Variants in CIMAP1D observed in about 807,000 individuals in gnomAD.
The protein encoded by CIMAP1D is protein CIMAP1D.
chr19:471,999 G>T, the CIMAP1D span, among the ~76,000 whole-genome samples: 1 of 152,200 alleles, frequency 6.6e-6, no homozygotes, highest in Non-Finnish European at 1.5e-5. Context: ...GCCTGCCTCA[G>T]CCTCCTTAAG....
chr19:472,342 G>T, the CIMAP1D span: 3 of 1,100,092 alleles, frequency 2.7e-6, no homozygotes, highest in South Asian at 1.7e-5. Flanking sequence ...GTGCTCCTGG[G>T]GGGAGATTGG....
At chr19:480,536 T>A in the CIMAP1D span, among the ~76,000 whole-genome samples, 6 of 118,314 alleles carry the variant, frequency 5.1e-5, no homozygotes, top group African/African-American at 2.5e-4. Context: ...TGGGGAAGGA[T>A]GATGGGGAAG....
At chr19:477,641 G>T in the CIMAP1D span, among the ~76,000 whole-genome samples, 1 of 152,006 alleles carries the variant, frequency 6.6e-6, no homozygotes, top group African/African-American at 2.4e-5. Flanking sequence ...AAAAAAGCTG[G>T]TCTTTATTTT....
chr19:484,711 C>A, the CIMAP1D span, among the ~76,000 whole-genome samples: 1 of 152,126 alleles, frequency 6.6e-6, no homozygotes, highest in South Asian at 2.1e-4. Flanking sequence ...GGCGGAGGAG[C>A]GAGGAGGAGG....
At chr19:480,643 TAAGGATGATGGAG>T in the CIMAP1D span, among the ~76,000 whole-genome samples, 13 of 28,864 alleles carry the variant, frequency 4.5e-4, no homozygotes, top group Non-Finnish European at 5.1e-4. Context: ...AGGATGATGG[TAAGGATGATGGAG>T]AAGGATGATG....
At chr19:474,689 C>T in the CIMAP1D span, 18 of 1,573,560 alleles carry the variant, frequency 1.1e-5, no homozygotes, top group East Asian at 1.9e-4. Flanking sequence ...CTCCGTCACT[C>T]GCCGGCCAAG....
chr19:480,672 GGATGATGGAGAAC>G, the CIMAP1D span, among the ~76,000 whole-genome samples: 10 of 76,902 alleles, frequency 1.3e-4, no homozygotes, highest in African/African-American at 3.1e-4. Flanking sequence ...TGATGGAGAA[GGATGATGGAGAAC>G]GATGATGGAG....
the CIMAP1D span, among the ~76,000 whole-genome samples, chr19:486,744 C>G: frequency 6.6e-6 from 1 of 151,840 alleles, no homozygotes; most frequent in African/African-American, 2.4e-5. Flanking sequence ...GAAACCCCGT[C>G]TCTACTAAAA....
the CIMAP1D span, chr19:463,892 G>C: frequency 6.2e-7 from 1 of 1,611,188 alleles, no homozygotes; most frequent in Non-Finnish European, 8.5e-7. Context: ...GGGAGGGCGT[G>C]GTGGCGGCCA....
the CIMAP1D span, among the ~76,000 whole-genome samples, chr19:481,087 G>GAACGATGATGGAA: frequency 9.6e-6 from 1 of 104,618 alleles, no homozygotes; most frequent in Non-Finnish European, 2.0e-5. Context: ...GGATGATGGA[G>GAACGATGATGGAA]AACGATGATG....
chr19:481,106 T>C, the CIMAP1D span, among the ~76,000 whole-genome samples: 1 of 103,186 alleles, frequency 9.7e-6, no homozygotes, highest in Non-Finnish European at 1.8e-5. Context: ...TGGAGAACGA[T>C]GATGGAGAAG....
the CIMAP1D span, chr19:464,278 C>G: frequency 6.5e-7 from 1 of 1,540,562 alleles, no homozygotes; most frequent in Non-Finnish European, 8.7e-7. Flanking sequence ...AGGCGGCAGC[C>G]CAGGGTGAAA....
the CIMAP1D span, among the ~76,000 whole-genome samples, chr19:485,091 G>A: frequency 6.6e-6 from 1 of 152,030 alleles, no homozygotes; most frequent in Non-Finnish European, 1.5e-5. Flanking sequence ...AGGGGAGTGA[G>A]AGGAGGGGAG....
chr19:485,839 G>T, the CIMAP1D span, among the ~76,000 whole-genome samples: 1 of 152,154 alleles, frequency 6.6e-6, no homozygotes, highest in East Asian at 1.9e-4. Flanking sequence ...TGCTGCCACC[G>T]GCCCGTCCAG....
the CIMAP1D span, chr19:463,943 C>A: frequency 6.2e-7 from 1 of 1,611,446 alleles, no homozygotes; most frequent in South Asian, 1.1e-5. Context: ...CCATAGAGAA[C>A]GCTGGAGCCC....
At chr19:463,746 T>A in the CIMAP1D span, 3 of 1,492,438 alleles carry the variant, frequency 2.0e-6, no homozygotes, top group East Asian at 2.5e-5. Context: ...GGAAGACTCC[T>A]TTCCCAGCCC....
At chr19:486,533 T>C in the CIMAP1D span, among the ~76,000 whole-genome samples, 1 of 151,850 alleles carries the variant, frequency 6.6e-6, no homozygotes, top group Non-Finnish European at 1.5e-5. Flanking sequence ...CTCCGCCTGG[T>C]GGGTTCAGGC....
chr19:472,667 C>A, the CIMAP1D span: 1 of 530,162 alleles, frequency 1.9e-6, no homozygotes. Context: ...AAATGTGATG[C>A]CTGCATTGTG....
chr19:479,974 T>C, the CIMAP1D span, among the ~76,000 whole-genome samples: 1 of 152,224 alleles, frequency 6.6e-6, no homozygotes, highest in South Asian at 2.1e-4. Flanking sequence ...CTTCGTTCAG[T>C]CTTATAATGA....
Sources: allele counts gnomAD v4.1 joint callset (sites outside exome capture counted in the v4.1 genomes callset), GRCh38; gene constraint gnomAD v4.1.1; transcripts MANE v1.5; gene names NCBI Gene and HGNC (gene_info 2026-07-23, HGNC 2026-07-21).